The following ST8SIA1 variants were observed in gnomAD, a reference collection of about 807,000 sequenced individuals.
ST8SIA1 encodes the protein ST8 alpha-N-acetyl-neuraminide alpha-2,8-sialyltransferase 1.
A neutral mutation model predicts 35.9 loss-of-function variants in ST8SIA1; 16 were observed. That is an observed-to-expected ratio of 0.45 (90% CI 0.30 to 0.68). The LOEUF (loss-of-function observed/expected upper bound fraction) is 0.68, where lower values mean the gene tolerates loss of function less well. Ranked by LOEUF, ST8SIA1 falls within the 30% of genes least tolerant of loss-of-function variation. The pLI is 0.09. For missense variants in ST8SIA1, 383 were observed against 453.6 expected, an observed-to-expected ratio of 0.84 and a Z score of 1.41; for synonymous variants, 170 against 169.6, an observed-to-expected ratio of 1.00 and a Z score of -0.02.
intron 1 of ST8SIA1, among the ~76,000 whole-genome samples, chr12:22,321,386 C>T (rs1254725955): frequency 6.6e-6 from 1 of 152,170 alleles, no homozygotes; most frequent in Admixed American, 6.5e-5. Context: ...AAGCAGCCAC[C>T]CCCAACAGAG....
At chr12:22,292,537 G>A (rs934996262) in intron 1 of ST8SIA1, among the ~76,000 whole-genome samples, 2 of 151,478 alleles carry the variant, frequency 1.3e-5, no homozygotes, top group Non-Finnish European at 1.5e-5. Flanking sequence ...TAAACAAAAT[G>A]TGGCATATAT....
intron 4 of ST8SIA1, among the ~76,000 whole-genome samples, chr12:22,221,386 G>A (rs1301159147): frequency 6.6e-6 from 1 of 152,118 alleles, no homozygotes; most frequent in Non-Finnish European, 1.5e-5. Context: ...GATTAAAGAG[G>A]TTGAGATGCA....
At chr12:22,295,235 G>T (rs773717625) in intron 1 of ST8SIA1, among the ~76,000 whole-genome samples, 1 of 152,162 alleles carries the variant, frequency 6.6e-6, no homozygotes, top group Non-Finnish European at 1.5e-5. Context: ...CCTGAAGGAG[G>T]TGAAGAAGAA....
intron 1 of ST8SIA1, among the ~76,000 whole-genome samples, chr12:22,330,352 C>T (rs554118583): frequency 6.6e-6 from 1 of 152,188 alleles, no homozygotes; most frequent in Non-Finnish European, 1.5e-5. Flanking sequence ...TGTCTATATG[C>T]TATCATGTAA....
At chr12:22,296,855 C>T (rs180902778) in intron 1 of ST8SIA1, among the ~76,000 whole-genome samples, 2 of 152,280 alleles carry the variant, frequency 1.3e-5, no homozygotes, top group Admixed American at 6.5e-5. Flanking sequence ...AAATACGGTC[C>T]AGATCACAAG....
Position 22,281,368 on chromosome 12 carries a change from C to T in ST8SIA1, c.381+5781G>A, listed in dbSNP as rs533684906. 2.0e-5 allele frequency among the ~76,000 whole-genome samples: 3 copies of T among 152,130 alleles called. No individual in the cohort carries two copies. The South Asian group carries it at 6.2e-4, about 32-fold the overall frequency. On this transcript the variant is annotated intron_variant, in intron 2 of 4. Transcript: ENST00000396037. ...TAAGCGTCATCATAGAAAGGCCAGG[C>T]TTAGGATCCAGATTTTTAGACTGCA... is the stretch of plus-strand genomic sequence containing the variant.
chr12:22,249,054 C>A lies in ST8SIA1; in HGVS notation c.536G>T (p.Gly179Val). The A allele has an allele frequency of 6.2e-7, 1 of 1,613,866 alleles. No homozygotes were observed. Among genetic ancestry groups the A allele is most frequent in the Non-Finnish European group, 8.5e-7 (1 of 1,179,906 alleles). ...AGCTGTCACTAACTGACTTTTGGAT[C>A]CAACATCCTTAGTGTATTCACTTGA... ...PLSSEYTKDV[G>V]SKSQLVTANP... Residue 179 changes from glycine to valine, a missense_variant, in exon 4 of 5, where the codon GGA (glycine) becomes GTA (valine). Coordinates refer to ENST00000396037, the MANE Select transcript of ST8SIA1 (RefSeq NM_003034.4).
Position 22,196,799 on chromosome 12 carries a change from A to G in ST8SIA1, c.*4753T>C, listed in dbSNP as rs1864994519. Reference sequence around the variant, plus strand: ...ACCCACATTTAGACAGCACGAGTTTAAGCAAAAACAAAACAGTTTAAGGCA... The same window carrying G: ...ACCCACATTTAGACAGCACGAGTTTGAGCAAAAACAAAACAGTTTAAGGCA... On this transcript the variant is annotated 3_prime_UTR_variant, in exon 5 of 5. Transcript: ENST00000396037. The G allele has an allele frequency of 6.6e-6, 1 of 152,256 alleles. No individual in the cohort carries two copies. Among genetic ancestry groups the G allele is most frequent in the African/African-American group, 2.4e-5 (1 of 41,446 alleles). 9.4% of individuals were successfully genotyped at this position (152,256 alleles called of 1,614,324 possible).
intron 1 of ST8SIA1, among the ~76,000 whole-genome samples, chr12:22,332,946 C>T (rs1194607184): frequency 6.6e-6 from 1 of 152,072 alleles, no homozygotes; most frequent in African/African-American, 2.4e-5. Context: ...AAGCCAACAG[C>T]AGCATCTTCA....
intron 4 of ST8SIA1, among the ~76,000 whole-genome samples, chr12:22,244,812 GTTTAA>G (rs766405637): frequency 1.8e-4 from 28 of 152,106 alleles, no homozygotes; most frequent in Non-Finnish European, 3.2e-4. Flanking sequence ...TGAGGTAGAG[GTTTAA>G]TTTATTTTTT....
rs887094966 is a variant in ST8SIA1, at chr12:22,195,044, G to C, written c.*6508C>G. ...ACTAAAAGTACAAAATTAGCCGGGT[G>C]TGGTGGCGCATGCCTGTAATCCCAG... On this transcript the variant is annotated 3_prime_UTR_variant, in exon 5 of 5. Transcript: ENST00000396037. The C allele has an allele frequency of 6.5e-6, 1 of 152,808 alleles. No individual in the cohort carries two copies. Among genetic ancestry groups the C allele is most frequent in the Non-Finnish European group, 1.5e-5 (1 of 68,774 alleles). 9.5% of individuals were successfully genotyped at this position (152,808 alleles called of 1,614,324 possible).
At chr12:22,206,115 T>G (rs1865106333) in intron 4 of ST8SIA1, among the ~76,000 whole-genome samples, 1 of 152,004 alleles carries the variant, frequency 6.6e-6, no homozygotes, top group African/African-American at 2.4e-5. Context: ...AGGAACACAA[T>G]AAAGGGTGAA....
chr12:22,296,831 G>A (rs537361908), intron 1 of ST8SIA1, among the ~76,000 whole-genome samples: 5 of 152,292 alleles, frequency 3.3e-5, no homozygotes, highest in African/African-American at 7.2e-5. Flanking sequence ...GGCAGTCATC[G>A]TAAGAACAGC....
chr12:22,224,870 T>C (rs911008849), intron 4 of ST8SIA1, among the ~76,000 whole-genome samples: 1 of 152,188 alleles, frequency 6.6e-6, no homozygotes, highest in Non-Finnish European at 1.5e-5. Context: ...TGACTTTATT[T>C]AGAAACAGGA....
At chr12:22,324,302 C>T (rs371149717) in intron 1 of ST8SIA1, 3 of 152,030 alleles carry the variant, frequency 2.0e-5, no homozygotes, top group Non-Finnish European at 2.9e-5. Flanking sequence ...AAAGAACTGG[C>T]GCTTCAAACT....
intron 2 of ST8SIA1, among the ~76,000 whole-genome samples, chr12:22,272,818 C>T (rs928965159): frequency 6.6e-6 from 1 of 152,248 alleles, no homozygotes; most frequent in Non-Finnish European, 1.5e-5. Flanking sequence ...TGCTCTGTCA[C>T]TGCACTCTGC....
intron 4 of ST8SIA1, among the ~76,000 whole-genome samples, chr12:22,219,431 G>C (rs1295898269): frequency 1.3e-5 from 2 of 152,094 alleles, no homozygotes; most frequent in Admixed American, 6.6e-5. Context: ...GCAGTGGAAG[G>C]GAGCACCAGC....
chr12:22,247,391 T>C (rs1276591764), intron 4 of ST8SIA1, among the ~76,000 whole-genome samples: 1 of 152,172 alleles, frequency 6.6e-6, no homozygotes, highest in African/African-American at 2.4e-5. Context: ...TGTAGAGCCT[T>C]CTTGTAAATT....
intron 2 of ST8SIA1, among the ~76,000 whole-genome samples, chr12:22,259,473 TC>T (rs893100900): frequency 1.0e-4 from 11 of 107,462 alleles, no homozygotes; most frequent in Non-Finnish European, 2.3e-4. Flanking sequence ...GATTTTTTTT[TC>T]TTTTTTTTTT....
Sources: allele counts gnomAD v4.1 joint callset (sites outside exome capture counted in the v4.1 genomes callset), GRCh38; gene constraint gnomAD v4.1.1; transcripts MANE v1.5; gene names NCBI Gene and HGNC (gene_info 2026-07-23, HGNC 2026-07-21).